Variants in ANKH observed in about 807,000 individuals in gnomAD.
ANKH encodes the protein ANKH inorganic pyrophosphate transport regulator, also known as mineralization regulator ANKH.
In ANKH, 15 loss-of-function variants were observed where a neutral mutation model predicts 49.0. The ratio of observed to expected loss-of-function variants is 0.31; its 90% CI spans 0.20 to 0.47. ANKH has a LOEUF of 0.47. Among genes scored for constraint, ANKH ranks in the 20% least tolerant of loss-of-function variants. ANKH has a pLI of 1.00. For synonymous variants in ANKH, 273 were observed against 260.0 expected (o/e 1.05, Z -0.48); for missense variants, 429 against 652.0 (o/e 0.66, Z 3.72).
chr5:14,869,291 C>T (rs1735749355), intron 1 of ANKH: 1 of 152,214 alleles, frequency 6.6e-6, no homozygotes. Flanking sequence ...CACTCTCTCT[C>T]ACCCTGCAGC....
intron 1 of ANKH, among the ~76,000 whole-genome samples, chr5:14,784,908 G>T (rs1343413850): frequency 8.4e-6 from 1 of 118,758 alleles, no homozygotes; most frequent in Non-Finnish European, 1.9e-5. Flanking sequence ...CAACGACTCT[G>T]GACAGAGGAA....
intron 1 of ANKH, among the ~76,000 whole-genome samples, chr5:14,820,881 T>G (rs1315671607): frequency 6.6e-6 from 1 of 152,208 alleles, no homozygotes. Context: ...GCGGATCTCT[T>G]AAGCCCAGGA....
At chr5:14,747,687 G>A (rs1293466129) in intron 6 of ANKH, among the ~76,000 whole-genome samples, 1 of 152,220 alleles carries the variant, frequency 6.6e-6, no homozygotes, top group Non-Finnish European at 1.5e-5. Context: ...TGCGAAGGAG[G>A]AGAACGAGCT....
At position 14,819,861 on chromosome 5, in the gene ANKH, G is replaced by A. The variant is rs373513669; in HGVS notation, c.97-50670C>T. Among the ~76,000 whole-genome samples the A allele has an allele frequency of 4.4e-4, 66 of 150,426 alleles. 1 individual carries two copies. The South Asian group carries it at 8.2e-3, about 19-fold the overall frequency. On this transcript the variant is annotated intron_variant, in intron 1 of 11. Coordinates refer to ENST00000284268, the MANE Select transcript of ANKH (RefSeq NM_054027.6). ...AGTCTGAATGACAGAGTGAAAGCTC[G>A]TCTCAACAATAACAACAACAACAAC...
Position 14,707,482 on chromosome 5 carries a change from TGA to T in ANKH, c.*3713_*3714del, listed in dbSNP as rs1736984625. The stretch of plus-strand genomic sequence containing the variant: ...TCTGAAAATATAAGTGAATAAATTT[TGA>T]GAGTTACGATATGTAATGATTATTC... On this transcript the variant is annotated 3_prime_UTR_variant, in exon 12 of 12. Transcript: ENST00000284268. 1 of 152,154 alleles carries T rather than the reference TGA, an allele frequency of 6.6e-6. No individual in the cohort carries two copies. The highest frequency in any genetic ancestry group is 1.5e-5 in the Non-Finnish European group (1 of 68,032). 9.4% of individuals were successfully genotyped at this position (152,154 alleles called of 1,614,324 possible). A position where few individuals can be genotyped will look rare whatever the true frequency, so the allele number is the denominator to read the frequency against.
intron 1 of ANKH, among the ~76,000 whole-genome samples, chr5:14,856,190 G>A (rs1380166701): frequency 3.3e-5 from 5 of 151,818 alleles, no homozygotes; most frequent in Admixed American, 1.3e-4. Flanking sequence ...GCAGTGAGCC[G>A]TGATCATGTC....
chr5:14,793,023 T>TATATATATAAAAATATATATATATATAA (rs1385758620), intron 1 of ANKH, among the ~76,000 whole-genome samples: 12 of 66,588 alleles, frequency 1.8e-4, no homozygotes, highest in East Asian at 3.7e-4. Context: ...TATATATAAA[T>TATATATATAAAAATATATATATATATAA]ATATATATAT....
At chr5:14,789,990 G>T (rs1022547039) in intron 1 of ANKH, among the ~76,000 whole-genome samples, 1 of 152,158 alleles carries the variant, frequency 6.6e-6, no homozygotes, top group Non-Finnish European at 1.5e-5. Context: ...GATTACAGGC[G>T]TGAGCCACCA....
At chr5:14,829,277 G>T (rs1043663127) in intron 1 of ANKH, among the ~76,000 whole-genome samples, 2 of 149,926 alleles carry the variant, frequency 1.3e-5, no homozygotes, top group Admixed American at 6.6e-5. Context: ...CCATTGTAAT[G>T]AAGAGTACAA....
intron 1 of ANKH, among the ~76,000 whole-genome samples, chr5:14,777,254 C>A (rs940688411): frequency 6.6e-6 from 1 of 152,142 alleles, no homozygotes; most frequent in Admixed American, 6.6e-5. Context: ...CCATTGCACT[C>A]CAGTCTGGGC....
At chr5:14,864,935 C>T (rs1299289978) in intron 1 of ANKH, among the ~76,000 whole-genome samples, 1 of 152,174 alleles carries the variant, frequency 6.6e-6, no homozygotes, top group Non-Finnish European at 1.5e-5. Context: ...ACATACCCCA[C>T]ATACACATAT....
At chr5:14,850,723 G>A (rs763812625) in intron 1 of ANKH, among the ~76,000 whole-genome samples, 3 of 152,240 alleles carry the variant, frequency 2.0e-5, no homozygotes, top group Non-Finnish European at 4.4e-5. Flanking sequence ...AAGGCAAGCT[G>A]AGCAATCTAA....
At chr5:14,861,162 G>A (rs1321629920) in intron 1 of ANKH, among the ~76,000 whole-genome samples, 5 of 152,196 alleles carry the variant, frequency 3.3e-5, no homozygotes, top group East Asian at 1.9e-4. Context: ...GCAGTAACCT[G>A]AAGTAACTAG....
intron 1 of ANKH, among the ~76,000 whole-genome samples, chr5:14,821,319 G>C (rs1319346716): frequency 6.6e-6 from 1 of 152,024 alleles, no homozygotes; most frequent in Non-Finnish European, 1.5e-5. Context: ...TCAAAATGAG[G>C]GCCATCTGGT....
rs372508356 is a variant in ANKH, at chr5:14,796,403, T to C, written c.97-27212A>G. On this transcript the variant is annotated intron_variant, in intron 1 of 11. Coordinates refer to ENST00000284268, the MANE Select transcript of ANKH (RefSeq NM_054027.6). ...TCTCAACTTGACAATCTACCTGTGG[T>C]ATACCTGTCAGGTAAAAACATACAT... is the stretch of plus-strand genomic sequence containing the variant. Among the ~76,000 whole-genome samples the C allele has an allele frequency of 1.1e-4, 16 of 149,288 alleles. No individual in the cohort carries two copies. In the East Asian group the frequency reaches 2.5e-3, roughly 24 times the overall value.
intron 1 of ANKH, among the ~76,000 whole-genome samples, chr5:14,865,316 C>T (rs1735614330): frequency 6.6e-6 from 1 of 151,874 alleles, no homozygotes; most frequent in Non-Finnish European, 1.5e-5. Context: ...GCAGGAGATA[C>T]CCAAATTGTT....
rs532250893 is a variant in ANKH at position 14,736,705 on chromosome 5, T to TC, written c.1011+5121dup. 2.4e-4 allele frequency among the ~76,000 whole-genome samples: 37 copies of TC among 152,324 alleles called. No homozygotes were observed. The South Asian group carries it at 7.2e-3, about 30-fold the overall frequency. On this transcript the variant is annotated intron_variant, in intron 8 of 11. Transcript: ENST00000284268. ...ACTCTCCTTTCCCTGATCCTTGTTC[T>TC]CCCCCTTCTCTGACTTTCTCTGAAT...
intron 1 of ANKH, among the ~76,000 whole-genome samples, chr5:14,800,095 T>C (rs1740523948): frequency 6.6e-6 from 1 of 152,072 alleles, no homozygotes; most frequent in Admixed American, 6.5e-5. Context: ...TTCAAGACCT[T>C]AGTGGGGAAG....
At chr5:14,711,721 T>C (rs1737213979) in intron 11 of ANKH, among the ~76,000 whole-genome samples, 1 of 152,210 alleles carries the variant, frequency 6.6e-6, no homozygotes, top group African/African-American at 2.4e-5. Context: ...ACAGCATCCG[T>C]CAGTCACCTC....
Sources: gnomAD v4.1 joint callset for allele counts (sites outside exome capture counted in the v4.1 genomes callset) on GRCh38, gnomAD v4.1.1 for gene constraint, MANE v1.5 for transcripts, NCBI Gene and HGNC (gene_info 2026-07-23, HGNC 2026-07-21) for gene names.